BMERB1: variants seen among roughly 807,000 people sequenced by gnomAD.
The protein encoded by BMERB1 is bMERB domain-containing protein 1.
Under a neutral mutation model 23.6 loss-of-function variants are expected in BMERB1, and 12 were observed. The ratio of observed to expected loss-of-function variants is 0.51; its 90% CI spans 0.33 to 0.82. The LOEUF is 0.82. BMERB1 is among the 40% of genes least tolerant of loss of function. The pLI is 0.03. For missense variants in BMERB1, 247 were observed against 255.4 expected (o/e 0.97, Z 0.22); for synonymous variants, 122 against 96.6 (o/e 1.26, Z -1.54).
At chr16:15,437,381 A>G (rs1445235702) in intron 1 of BMERB1, among the ~76,000 whole-genome samples, 2 of 152,240 alleles carry the variant, frequency 1.3e-5, no homozygotes, top group East Asian at 1.9e-4. Flanking sequence ...TGTATACTAA[A>G]TAAGATGATA....
At chr16:15,512,679 G>T (rs867876608) in intron 1 of BMERB1, among the ~76,000 whole-genome samples, 6 of 152,194 alleles carry the variant, frequency 3.9e-5, no homozygotes, top group Middle Eastern at 3.4e-3. Flanking sequence ...AGGAGTTCAA[G>T]ACCAGCCTGG....
chr16:15,580,297 T>G lies in BMERB1; in HGVS notation c.305-920T>G, dbSNP rs186562251. 1.2e-3 allele frequency among the ~76,000 whole-genome samples: 177 copies of G among 151,960 alleles called. 2 individuals are homozygous for G. In the East Asian group the frequency reaches 0.016, roughly 14 times the overall value. ...GAAAATTTTTGTAGACATAGGAGGG[T>G]CTCACTATGTTGCCCAGGCTGGTCT... On this transcript the variant is annotated intron_variant, in intron 3 of 5. Coordinates refer to ENST00000300006, the MANE Select transcript of BMERB1 (RefSeq NM_033201.3).
At chr16:15,504,822 C>A (rs1209664111) in intron 1 of BMERB1, among the ~76,000 whole-genome samples, 1 of 151,378 alleles carries the variant, frequency 6.6e-6, no homozygotes, top group Non-Finnish European at 1.5e-5. Context: ...GAGAAAAGGA[C>A]ATATTAGGTG....
chr16:15,508,991 CTT>C (rs746208664), intron 1 of BMERB1, among the ~76,000 whole-genome samples: 1 of 152,034 alleles, frequency 6.6e-6, no homozygotes, highest in Non-Finnish European at 1.5e-5. Context: ...TTGAGCAAGA[CTT>C]TTCAACATAG....
intron 1 of BMERB1, among the ~76,000 whole-genome samples, chr16:15,439,650 C>T (rs2050921605): frequency 6.6e-6 from 1 of 152,174 alleles, no homozygotes; most frequent in Admixed American, 6.6e-5. Flanking sequence ...TTGCTCCCAG[C>T]CACCTTCAAC....
chr16:15,444,572 A>G (rs1315279423), intron 1 of BMERB1, among the ~76,000 whole-genome samples: 9 of 152,306 alleles, frequency 5.9e-5, no homozygotes, highest in East Asian at 1.9e-4. Context: ...ACATGTCACT[A>G]AATGTTATTG....
chr16:15,476,160 C>CTTTTT (rs55893889), intron 1 of BMERB1, among the ~76,000 whole-genome samples: 2 of 86,586 alleles, frequency 2.3e-5, no homozygotes, highest in African/African-American at 7.1e-5. Context: ...ATGTCATTCA[C>CTTTTT]TTTTTTTTTT....
At chr16:15,517,831 T>A (rs1355846842) in intron 2 of BMERB1, among the ~76,000 whole-genome samples, 1 of 149,426 alleles carries the variant, frequency 6.7e-6, no homozygotes, top group Non-Finnish European at 1.5e-5. Flanking sequence ...TCTGGATGTG[T>A]GTGTATATGT....
Position 15,434,742 on chromosome 16 carries a change from C to T in BMERB1, c.89C>T (p.Thr30Met), listed in dbSNP as rs771367922. Reference sequence around the variant, plus strand: ...GCGGTGGAGGAGACGGCTTGGAAAACGGAGAGACTGGGGAGAAGTGAGTAC... The same window carrying T: ...GCGGTGGAGGAGACGGCTTGGAAAATGGAGAGACTGGGGAGAAGTGAGTAC... Reference protein sequence around the residue: ...YGAVEETAWKTERLGRNQLDI... With the variant: ...YGAVEETAWKMERLGRNQLDI... The change falls in exon 1 of 6, where the codon ACG becomes ATG. Residue 30 changes from threonine to methionine, a missense_variant. By Grantham distance (81) the Thr-to-Met change is moderately conservative. Transcript: ENST00000300006. 13 of 1,578,930 alleles carry T rather than the reference C, an allele frequency of 8.2e-6. No homozygotes were observed. Among genetic ancestry groups the T allele is most frequent in the Admixed American group, 1.8e-5 (1 of 55,436 alleles).
chr16:15,508,828 CAAAAAAA>C (rs1181215065), intron 1 of BMERB1, among the ~76,000 whole-genome samples: 1 of 56,068 alleles, frequency 1.8e-5, no homozygotes, highest in Non-Finnish European at 3.8e-5. Flanking sequence ...CCTGCCCCAC[CAAAAAAA>C]AAAAAAAAAA....
intron 2 of BMERB1, among the ~76,000 whole-genome samples, chr16:15,542,196 T>C (rs2150963265): frequency 6.6e-6 from 1 of 151,920 alleles, no homozygotes; most frequent in Admixed American, 6.6e-5. Context: ...CCCAAGTAGC[T>C]TGGACTACAG....
Position 15,438,002 on chromosome 16 carries a change from A to T in BMERB1, c.106+3243A>T, listed in dbSNP as rs1351060948. On this transcript the variant is annotated intron_variant, in intron 1 of 5. Transcript: ENST00000300006. ...TAAAGTCCTTCTTACCCTCTGTTTC[A>T]AACCATCAAAGACTCAGTCTTGCTT... Among the ~76,000 whole-genome samples the T allele has an allele frequency of 3.3e-5, 5 of 151,690 alleles. No individual in the cohort carries two copies. The Admixed American group carries it at 3.3e-4, about 10-fold the overall frequency.
intron 2 of BMERB1, among the ~76,000 whole-genome samples, chr16:15,562,985 G>A (rs2030465284): frequency 6.6e-6 from 1 of 152,224 alleles, no homozygotes; most frequent in African/African-American, 2.4e-5. Flanking sequence ...TGGACAGCAT[G>A]AGTTGTTCTT....
rs143833412 is a variant in BMERB1, at chr16:15,495,658, G to A, written c.107-19647G>A. On this transcript the variant is annotated intron_variant, in intron 1 of 5. Transcript: ENST00000300006. ...TGGGATTACAGGCGTGAGCCACCGC[G>A]CCTGGCCTACTTTTATTATCTTAAT... is the stretch of plus-strand genomic sequence containing the variant. Among the ~76,000 whole-genome samples the A allele has an allele frequency of 7.9e-5, 12 of 152,300 alleles. No homozygotes were observed. In the South Asian group the frequency reaches 2.1e-3, roughly 26 times the overall value.
At chr16:15,571,705 C>T (rs2030731681) in intron 3 of BMERB1, among the ~76,000 whole-genome samples, 1 of 152,034 alleles carries the variant, frequency 6.6e-6, no homozygotes, top group Non-Finnish European at 1.5e-5. Context: ...ATAGAAAGGC[C>T]ACCTATCTTC....
chr16:15,585,744 G>T (rs1448763558), intron 5 of BMERB1, among the ~76,000 whole-genome samples: 1 of 152,078 alleles, frequency 6.6e-6, no homozygotes, highest in Non-Finnish European at 1.5e-5. Flanking sequence ...CAGGAGAATC[G>T]CTTGAACCCA....
intron 1 of BMERB1, among the ~76,000 whole-genome samples, chr16:15,472,950 T>G (rs747148284): frequency 2.0e-5 from 3 of 151,146 alleles, no homozygotes; most frequent in Non-Finnish European, 4.4e-5. Context: ...ACCTTTACTT[T>G]CCAGGTTCAA....
At chr16:15,525,713 A>G (rs1485662686) in intron 2 of BMERB1, among the ~76,000 whole-genome samples, 1 of 151,900 alleles carries the variant, frequency 6.6e-6, no homozygotes, top group Admixed American at 6.6e-5. Context: ...TCAGAAAAAA[A>G]AAAAAGAAAA....
At chr16:15,436,526 C>T (rs1469146904) in intron 1 of BMERB1, among the ~76,000 whole-genome samples, 1 of 152,008 alleles carries the variant, frequency 6.6e-6, no homozygotes, top group Non-Finnish European at 1.5e-5. Flanking sequence ...CCCAAAGTGC[C>T]GGGATTACAG....
Sources: allele counts gnomAD v4.1 joint callset (sites outside exome capture counted in the v4.1 genomes callset), GRCh38; gene constraint gnomAD v4.1.1; transcripts MANE v1.5; gene names NCBI Gene and HGNC (gene_info 2026-07-23, HGNC 2026-07-21).